Variants in MLLT10 observed in about 807,000 individuals in gnomAD.
The protein encoded by MLLT10 is MLLT10 histone lysine methyltransferase DOT1L cofactor, also known as protein AF-10.
Under a neutral mutation model 129.1 loss-of-function variants are expected in MLLT10, and 30 were observed. The observed-to-expected ratio is 0.23, with a 90% confidence interval of 0.17 to 0.32. MLLT10 has a LOEUF of 0.32. Among genes scored for constraint, MLLT10 ranks in the 10% least tolerant of loss-of-function variants. The pLI, the probability that MLLT10 is intolerant of heterozygous loss-of-function variation, is 1.00. For missense variants in MLLT10, 1,119 were observed against 1,268.3 expected (o/e 0.88, Z 1.79); for synonymous variants, 490 against 446.4 (o/e 1.10, Z -1.23).
intron 13 of MLLT10, among the ~76,000 whole-genome samples, chr10:21,687,665 A>G (rs557698682): frequency 2.6e-5 from 4 of 152,126 alleles, no homozygotes; most frequent in Non-Finnish European, 5.9e-5. Context: ...TAATTAGGTT[A>G]AAAAAAGGGG....
chr10:21,560,252 G>T (rs529917162), intron 3 of MLLT10, among the ~76,000 whole-genome samples: 7 of 152,084 alleles, frequency 4.6e-5, no homozygotes, highest in African/African-American at 1.7e-4. Flanking sequence ...TGATCTGCCC[G>T]GGCTGGGCCT....
At chr10:21,741,861 TCA>T in intron 22 of MLLT10, 76 bp from the exon 23 acceptor site, 1 of 1,470,164 alleles carries the variant, frequency 6.8e-7, no homozygotes, top group Non-Finnish European at 9.4e-7. Context: ...ACATTTTATC[TCA>T]GTCACAGTTT....
rs976143354 is a variant in MLLT10 at position 21,718,995 on chromosome 10, T to A, written c.1878+5045T>A. Among the ~76,000 whole-genome samples, 6 of 152,376 alleles carry A rather than the reference T, an allele frequency of 3.9e-5. No individual in the cohort carries two copies. In the South Asian group the frequency reaches 1.2e-3, roughly 32 times the overall value. On this transcript the variant is annotated intron_variant, in intron 14 of 22. Transcript: ENST00000307729. ...CCTTGGCCTCCCAAAGTGCTGGGAT[T>A]GCAGGCGTGAGCCACCTCGCCTGGG...
intron 4 of MLLT10, among the ~76,000 whole-genome samples, chr10:21,592,439 A>C (rs561341751): frequency 1.5e-4 from 23 of 148,608 alleles, no homozygotes; most frequent in Admixed American, 1.1e-3. Context: ...AGTTTTCTGT[A>C]GTTTTTTTTT....
chr10:21,715,563 A>G (rs979606670), intron 14 of MLLT10, among the ~76,000 whole-genome samples: 1 of 152,256 alleles, frequency 6.6e-6, no homozygotes, highest in Non-Finnish European at 1.5e-5. Flanking sequence ...AAAGTCTCAC[A>G]TGAACATTTT....
At chr10:21,583,075 C>T (rs1294667766) in intron 3 of MLLT10, among the ~76,000 whole-genome samples, 3 of 152,144 alleles carry the variant, frequency 2.0e-5, no homozygotes, top group African/African-American at 7.2e-5. Flanking sequence ...GAGGCTGAGG[C>T]AGGAGAATTG....
chr10:21,633,302 A>G (rs1024577461), intron 8 of MLLT10, among the ~76,000 whole-genome samples: 5 of 152,246 alleles, frequency 3.3e-5, no homozygotes, highest in African/African-American at 4.8e-5. Context: ...ATTAACCAAC[A>G]TTATTATTGT....
intron 3 of MLLT10, chr10:21,556,709 T>G: frequency 6.2e-7 from 1 of 1,612,572 alleles, no homozygotes; most frequent in Non-Finnish European, 8.5e-7. Context: ...AGAACATCAC[T>G]GCGCATGTGC....
At chr10:21,630,838 A>G (rs1434409333) in intron 8 of MLLT10, among the ~76,000 whole-genome samples, 1 of 152,216 alleles carries the variant, frequency 6.6e-6, no homozygotes, top group African/African-American at 2.4e-5. Flanking sequence ...GGTTTTAGGC[A>G]TACTGAAGGA....
chr10:21,615,570 CTTTAG>C (rs1404048072), intron 7 of MLLT10, among the ~76,000 whole-genome samples: 3 of 150,450 alleles, frequency 2.0e-5, no homozygotes, highest in Non-Finnish European at 4.4e-5. Flanking sequence ...TTTTTAAGGT[CTTTAG>C]TTAATTGGAT....
chr10:21,597,456 A>G (rs1035896682), intron 5 of MLLT10, among the ~76,000 whole-genome samples: 2 of 152,034 alleles, frequency 1.3e-5, no homozygotes, highest in African/African-American at 4.8e-5. Flanking sequence ...TGCAGCCTCC[A>G]CCTCCTGGGT....
At chr10:21,548,412 C>G (rs1157365442) in intron 3 of MLLT10, among the ~76,000 whole-genome samples, 4 of 151,172 alleles carry the variant, frequency 2.6e-5, no homozygotes, top group Non-Finnish European at 5.9e-5. Flanking sequence ...CTCTGTTGCC[C>G]AGGCTGGAGT....
chr10:21,668,892 T>C, intron 9 of MLLT10: 8 of 1,167,960 alleles, frequency 6.8e-6, no homozygotes, highest in Non-Finnish European at 8.6e-6. Context: ...CTGTGTTTTC[T>C]TAGATGACTT....
In MLLT10 at chr10:21,583,317, C is replaced by G. The variant is rs192628303; in HGVS notation, c.241-2977C>G. Reference sequence around the variant, plus strand: ...AAATTTGGACAATGAGTAAGATTGCCTAGTGTTTCATGTGAAATAAGATGA... The same window carrying G: ...AAATTTGGACAATGAGTAAGATTGCGTAGTGTTTCATGTGAAATAAGATGA... On this transcript the variant is annotated intron_variant, in intron 3 of 22. Transcript: ENST00000307729. Among the ~76,000 whole-genome samples the G allele has an allele frequency of 7.2e-5, 11 of 152,080 alleles. No individual in the cohort carries two copies. The East Asian group carries it at 2.1e-3, about 29-fold the overall frequency.
chr10:21,703,359 G>T (rs2055115259), intron 13 of MLLT10, among the ~76,000 whole-genome samples: 1 of 151,790 alleles, frequency 6.6e-6, no homozygotes, highest in South Asian at 2.1e-4. Context: ...TTTCTGCTGA[G>T]AAATCTGTTA....
At chr10:21,575,345 C>T (rs529802456) in intron 3 of MLLT10, among the ~76,000 whole-genome samples, 10 of 152,162 alleles carry the variant, frequency 6.6e-5, no homozygotes, top group East Asian at 1.9e-4. Context: ...TACAGCCACC[C>T]GCTGCCATGC....
rs961774951 is a variant in MLLT10, at chr10:21,624,649, A to G, written c.699+7442A>G. The G allele has an allele frequency of 4.1e-5, 60 of 1,466,218 alleles. No homozygotes were observed. In the African/African-American group the frequency reaches 6.6e-4, roughly 16 times the overall value. The allele number at this position is 1,466,218 out of a possible 1,614,324, so 90.8% of individuals were successfully genotyped here. ...ATTCCTGGTTGTCATTATTGTAACC[A>G]TAGTTACCAGAATAGTCACCACCTT... is the stretch of plus-strand genomic sequence containing the variant. On this transcript the variant is annotated intron_variant, in intron 8 of 22. Transcript: ENST00000307729.
chr10:21,698,556 T>C (rs1182058617), intron 13 of MLLT10, among the ~76,000 whole-genome samples: 1 of 152,232 alleles, frequency 6.6e-6, no homozygotes, highest in African/African-American at 2.4e-5. Context: ...CCCTTTGATA[T>C]GCTCATTTCT....
At chr10:21,539,090 A>G (rs143236382) in intron 3 of MLLT10, 178 bp downstream of exon 3, 5,020 of 496,810 alleles carry the variant, frequency 0.01, 40 homozygotes, top group Non-Finnish European at 0.014. Flanking sequence ...ACTGAAAAAC[A>G]AATGGAATCA....
Sources: allele counts gnomAD v4.1 joint callset (sites outside exome capture counted in the v4.1 genomes callset), GRCh38; gene constraint gnomAD v4.1.1; transcripts MANE v1.5; gene names NCBI Gene and HGNC (gene_info 2026-07-23, HGNC 2026-07-21).